Variants in AGXT2 observed in about 807,000 individuals in gnomAD.
AGXT2 encodes the protein alanine--glyoxylate aminotransferase 2, also known as alanine--glyoxylate aminotransferase 2, mitochondrial.
In AGXT2, 61 loss-of-function variants were observed where a neutral mutation model predicts 62.5. The observed-to-expected ratio is 0.98, with a 90% CI of 0.79 to 1.21. The LOEUF is 1.21. Among genes scored for constraint, AGXT2 ranks in the 50% most tolerant of loss-of-function variants. The pLI is 0.00. For missense variants in AGXT2, 666 were observed against 641.5 expected, an observed-to-expected ratio of 1.04 and a Z score of -0.41; for synonymous variants, 243 against 218.7, an observed-to-expected ratio of 1.11 and a Z score of -0.98.
At chr5:35,003,698 C>A in intron 13 of AGXT2, 65 bp downstream of exon 13, 1 of 1,456,968 alleles carries the variant, frequency 6.9e-7, no homozygotes, top group Non-Finnish European at 9.6e-7. Flanking sequence ...GAAACTGTGA[C>A]CAGCATTAGG....
chr5:35,009,932 C>G (rs1766563124), intron 12 of AGXT2, 68 bp downstream of exon 12: 4 of 1,601,016 alleles, frequency 2.5e-6, no homozygotes, highest in Middle Eastern at 1.6e-4. Context: ...TGAAGTTTAG[C>G]TGATGTTTCC....
At chr5:35,046,238 G>A (rs899264440) in intron 1 of AGXT2, among the ~76,000 whole-genome samples, 1 of 152,196 alleles carries the variant, frequency 6.6e-6, no homozygotes, top group South Asian at 2.1e-4. Flanking sequence ...GGGTAGGGAA[G>A]GGGAGGGGGC....
chr5:35,008,417 T>C (rs1161480976), intron 12 of AGXT2, among the ~76,000 whole-genome samples: 1 of 152,136 alleles, frequency 6.6e-6, no homozygotes, highest in Non-Finnish European at 1.5e-5. Flanking sequence ...TCATTGGGCT[T>C]TCCTCTCTCA....
At chr5:35,042,139 G>C (rs1269446623) in intron 1 of AGXT2, among the ~76,000 whole-genome samples, 1 of 152,178 alleles carries the variant, frequency 6.6e-6, no homozygotes, top group Non-Finnish European at 1.5e-5. Flanking sequence ...GTTGTAAGCT[G>C]TCTTGACTCC....
intron 9 of AGXT2, among the ~76,000 whole-genome samples, chr5:35,019,375 T>C (rs1766977295): frequency 6.7e-6 from 1 of 148,820 alleles, no homozygotes; most frequent in South Asian, 2.2e-4. Context: ...ACAAACTATC[T>C]CTCAGACCAC....
chr5:35,021,233 A>G (rs1767067547), intron 9 of AGXT2, among the ~76,000 whole-genome samples: 1 of 152,264 alleles, frequency 6.6e-6, no homozygotes, highest in Non-Finnish European at 1.5e-5. Flanking sequence ...TTCAAAGTTC[A>G]TATGGAACCA....
chr5:35,037,687 G>T (rs1354181240), intron 3 of AGXT2, among the ~76,000 whole-genome samples: 1 of 152,184 alleles, frequency 6.6e-6, no homozygotes. Flanking sequence ...GAGTAGCTGG[G>T]ACTATAGGTG....
At chr5:35,013,643 G>T (rs1233882652) in intron 10 of AGXT2, among the ~76,000 whole-genome samples, 1 of 152,140 alleles carries the variant, frequency 6.6e-6, no homozygotes, top group African/African-American at 2.4e-5. Context: ...TTAGCTGGGC[G>T]TGGTGGTGCG....
chr5:35,036,932 A>G lies in AGXT2; in HGVS notation c.486+10T>C, dbSNP rs766991623. 13 of 1,613,748 alleles carry G rather than the reference A, an allele frequency of 8.1e-6. No homozygotes were observed. The East Asian group carries it at 2.2e-4, about 28-fold the overall frequency. The stretch of plus-strand genomic sequence containing the variant: ...CATAACATTCACCTCCTGCAGGAAG[A>G]GCATTGTACCTTAAGAGGCTCAGGA... On this transcript the variant is annotated intron_variant, in intron 4 of 13. Coordinates refer to ENST00000231420, the MANE Select transcript of AGXT2 (RefSeq NM_031900.4).
chr5:35,010,475 C>T (rs1256639428), intron 11 of AGXT2, among the ~76,000 whole-genome samples: 6 of 151,868 alleles, frequency 4.0e-5, no homozygotes, highest in Admixed American at 6.6e-5. Context: ...GTCAGGAGTT[C>T]GGGACCAGCC....
rs762084337 is a variant in AGXT2, at chr5:35,033,447, T to A, written c.675+13A>T. 3 of 1,591,032 alleles carry A rather than the reference T, an allele frequency of 1.9e-6. No homozygotes were observed. The highest frequency in any genetic ancestry group is 2.6e-6 in the Non-Finnish European group (3 of 1,158,972). ...AGTCTTTAAAGAAACAAGAGAAAAA[T>A]CTCCAAACTCACTGGTTGGCAACCT... On this transcript the variant is annotated intron_variant, in intron 6 of 13. Transcript: ENST00000231420.
intron 7 of AGXT2, among the ~76,000 whole-genome samples, chr5:35,030,287 C>T (rs971815656): frequency 1.3e-5 from 2 of 152,264 alleles, no homozygotes; most frequent in East Asian, 1.9e-4. Flanking sequence ...GCGAGCGGAT[C>T]ACCTGAAGTC....
At chr5:35,017,602 C>T (rs1202236225) in intron 9 of AGXT2, among the ~76,000 whole-genome samples, 1 of 152,208 alleles carries the variant, frequency 6.6e-6, no homozygotes, top group Non-Finnish European at 1.5e-5. Context: ...GCCTCCCCAA[C>T]CACATGGAAC....
chr5:34,998,922 T>C (rs1181344408), intron 13 of AGXT2, 96 bp from the exon 14 acceptor site: 6 of 929,850 alleles, frequency 6.5e-6, no homozygotes, highest in Middle Eastern at 4.7e-4. Flanking sequence ...ACCTTGTGTT[T>C]AGGATGTTTC....
At chr5:35,027,516 C>A (rs1038559736) in intron 7 of AGXT2, among the ~76,000 whole-genome samples, 1 of 152,074 alleles carries the variant, frequency 6.6e-6, no homozygotes, top group Non-Finnish European at 1.5e-5. Context: ...CTATCCCTTT[C>A]GCATATTTTC....
intron 2 of AGXT2, among the ~76,000 whole-genome samples, chr5:35,040,049 G>A (rs43160): frequency 0.89 from 135,801 of 152,008 alleles, 61,348 homozygotes; most frequent in African/African-American, 0.97. Flanking sequence ...GTGCATGCAC[G>A]TGTGCATGCA....
intron 7 of AGXT2, among the ~76,000 whole-genome samples, chr5:35,031,943 CTTTTT>C (rs35937337): frequency 1.4e-4 from 15 of 108,424 alleles, no homozygotes; most frequent in African/African-American, 5.0e-4. Flanking sequence ...TGGGATCTTG[CTTTTT>C]TTTTTTTTTT....
At position 35,003,837 on chromosome 5, in the gene AGXT2, C is replaced by T. The variant is rs1174677003; in HGVS notation, c.1363G>A (p.Glu455Lys). The change falls in exon 13 of 14, where the codon GAA becomes AAA. Residue 455 changes from glutamate to lysine, a missense_variant. Glu to Lys is a moderately conservative substitution (Grantham distance 56). Transcript: ENST00000231420. ...TCCTCATGGATCTGATTTACTTCTT[C>T]ACGGGGAAGAGGCCGACAGCTTATC... is the stretch of plus-strand genomic sequence containing the variant. Reference protein sequence around the residue: ...DKISCRPLPREEVNQIHEDCK... With the variant: ...DKISCRPLPRKEVNQIHEDCK... The T allele has an allele frequency of 6.2e-7, 1 of 1,614,186 alleles. No homozygotes were observed. Among genetic ancestry groups the T allele is most frequent in the South Asian group, 1.1e-5 (1 of 91,088 alleles).
chr5:35,003,478 C>CCAT (rs2112165659), intron 13 of AGXT2, among the ~76,000 whole-genome samples: 1 of 152,254 alleles, frequency 6.6e-6, no homozygotes, highest in East Asian at 1.9e-4. Context: ...TCCGCTTTGA[C>CCAT]CATCCTCTGT....
Sources: allele counts gnomAD v4.1 joint callset (sites outside exome capture counted in the v4.1 genomes callset), GRCh38; gene constraint gnomAD v4.1.1; transcripts MANE v1.5; gene names NCBI Gene and HGNC (gene_info 2026-07-23, HGNC 2026-07-21).